The following LRBA variants were observed in gnomAD, a reference collection of about 807,000 sequenced individuals.
The protein encoded by LRBA is lipopolysaccharide-responsive and beige-like anchor protein.
In LRBA, 176 loss-of-function variants were observed where a neutral mutation model predicts 330.0. That is an observed-to-expected ratio of 0.53 (90% CI 0.47 to 0.60). The LOEUF is 0.60. LRBA is among the 20% of genes least tolerant of loss of function. The pLI is 0.00. For synonymous variants in LRBA, 1,230 were observed against 1,193.0 expected (o/e 1.03, Z -0.64); for missense variants, 3,259 against 3,444.8 (o/e 0.95, Z 1.35).
intron 17 of LRBA, among the ~76,000 whole-genome samples, chr4:150,885,445 A>G (rs939662861): frequency 2.6e-5 from 4 of 152,060 alleles, no homozygotes; most frequent in Non-Finnish European, 4.4e-5. Context: ...ACACAGTGAA[A>G]CCCCATCTCT....
chr4:150,344,419 C>A (rs1736001714), intron 48 of LRBA, among the ~76,000 whole-genome samples: 1 of 152,212 alleles, frequency 6.6e-6, no homozygotes, highest in Non-Finnish European at 1.5e-5. Flanking sequence ...TCTCTAAGAT[C>A]ACCAATGACC....
rs978061462 is a variant in LRBA at position 150,885,078 on chromosome 4, A to G, written c.2165+7974T>C. 7.2e-5 allele frequency among the ~76,000 whole-genome samples: 11 copies of G among 152,030 alleles called. 1 individual carries two copies. Among genetic ancestry groups the G allele is most frequent in the Non-Finnish European group, 1.6e-4 (11 of 67,994 alleles). On this transcript the variant is annotated intron_variant, in intron 17 of 56. Coordinates refer to ENST00000651943, the MANE Select transcript of LRBA (RefSeq NM_001364905.1). ...TGGCAAATAAAGAATCTGTGAATTC[A>G]AAGATAAATCAATATAAATTATATA...
intron 22 of LRBA, among the ~76,000 whole-genome samples, chr4:150,853,916 G>A (rs1287215461): frequency 6.6e-6 from 1 of 152,066 alleles, no homozygotes; most frequent in African/African-American, 2.4e-5. Context: ...ATTATATAGA[G>A]TAAACTGAAC....
chr4:150,792,170 T>A, intron 34 of LRBA, among the ~76,000 whole-genome samples: 1 of 148,692 alleles, frequency 6.7e-6, no homozygotes, highest in African/African-American at 2.5e-5. Context: ...AATAAATACA[T>A]AATTTTCCTA....
intron 2 of LRBA, among the ~76,000 whole-genome samples, chr4:150,994,790 T>C (rs2149635500): frequency 6.6e-6 from 1 of 152,316 alleles, no homozygotes; most frequent in East Asian, 1.9e-4. Flanking sequence ...GAAAAGTACT[T>C]GTGATTCAGA....
At chr4:150,873,800 G>C (rs756353874) in intron 17 of LRBA, among the ~76,000 whole-genome samples, 21 of 152,066 alleles carry the variant, frequency 1.4e-4, no homozygotes, top group Non-Finnish European at 2.9e-4. Flanking sequence ...TGTTTAGTAA[G>C]TTAGAAAACA....
At chr4:150,505,119 C>A (rs1469200312) in intron 40 of LRBA, among the ~76,000 whole-genome samples, 1 of 152,076 alleles carries the variant, frequency 6.6e-6, no homozygotes, top group African/African-American at 2.4e-5. Context: ...TCCCACACAA[C>A]AATAATAATG....
At chr4:150,831,543 C>A (rs1747185665) in intron 29 of LRBA, among the ~76,000 whole-genome samples, 1 of 152,090 alleles carries the variant, frequency 6.6e-6, no homozygotes, top group Non-Finnish European at 1.5e-5. Flanking sequence ...TGATTCTTCA[C>A]AGCAAATGAA....
At position 150,526,282 on chromosome 4, in the gene LRBA, G is replaced by C. The variant is rs183076298; in HGVS notation, c.6331-35247C>G. On this transcript the variant is annotated intron_variant, in intron 40 of 56. Transcript: ENST00000651943. ...ATGGCTGTTTTCTGGTTAACCATGG[G>C]AGAGTAACCTTACATTTTTATCTAC... Among the ~76,000 whole-genome samples, 323 of 152,280 alleles carry C rather than the reference G, an allele frequency of 2.1e-3. 1 individual carries two copies. Among genetic ancestry groups the C allele is most frequent in the Admixed American group, 4.3e-3 (66 of 15,304 alleles).
At chr4:150,403,683 C>G (rs1456872907) in intron 47 of LRBA, among the ~76,000 whole-genome samples, 1 of 151,862 alleles carries the variant, frequency 6.6e-6, no homozygotes, top group African/African-American at 2.4e-5. Context: ...CAAGGTATTT[C>G]AAAACCTTAA....
intron 37 of LRBA, among the ~76,000 whole-genome samples, chr4:150,620,207 C>T (rs1456829019): frequency 2.0e-5 from 3 of 151,968 alleles, no homozygotes; most frequent in Non-Finnish European, 4.4e-5. Context: ...TGAAAAAATG[C>T]TCAACATCAC....
At chr4:150,884,149 T>G (rs569283762) in intron 17 of LRBA, among the ~76,000 whole-genome samples, 1 of 152,328 alleles carries the variant, frequency 6.6e-6, no homozygotes, top group Admixed American at 6.5e-5. Context: ...ACTGTTGCTT[T>G]CAAACAGGGC....
chr4:150,589,560 T>C (rs908280143), intron 39 of LRBA, among the ~76,000 whole-genome samples: 2 of 152,196 alleles, frequency 1.3e-5, no homozygotes, highest in East Asian at 3.9e-4. Context: ...AATAACATTT[T>C]TTCAATCACT....
chr4:150,265,764 G>A lies in LRBA; in HGVS notation c.8517C>T (p.Asn2839=), dbSNP rs145690847. 9.4e-5 allele frequency: 152 copies of A among 1,613,598 alleles called. No individual in the cohort carries two copies. The African/African-American group carries it at 9.9e-4, about 10-fold the overall frequency. Residue 2839 remains asparagine (N), a synonymous_variant, in exon 57 of 57, where the codon AAC becomes AAT. Coordinates refer to ENST00000651943, the MANE Select transcript of LRBA (RefSeq NM_001364905.1). The stretch of plus-strand genomic sequence containing the variant: ...ATTCATGATGCCACCGGTTAAAGTC[G>A]TTGTAAAATAGCACAATGCTTCCTG... ...MASGSIVLFY[N]DFNRWHHEYQ...
chr4:150,598,970 C>A (rs1181769233), intron 38 of LRBA, 37 bp downstream of exon 38: 1 of 1,611,998 alleles, frequency 6.2e-7, no homozygotes, highest in Non-Finnish European at 8.5e-7. Context: ...AAGTCCTGTA[C>A]CTGCTGCTAT....
chr4:150,894,105 C>G (rs1729794531), intron 16 of LRBA, among the ~76,000 whole-genome samples: 1 of 152,030 alleles, frequency 6.6e-6, no homozygotes, highest in Non-Finnish European at 1.5e-5. Context: ...GCTTATATAT[C>G]AAGAAATTGT....
intron 2 of LRBA, among the ~76,000 whole-genome samples, chr4:151,007,298 G>C (rs904905215): frequency 3.9e-5 from 6 of 151,992 alleles, no homozygotes; most frequent in African/African-American, 4.8e-5. Context: ...TCAGGAGATG[G>C]AGACCATCCT....
rs190315931 is a variant in LRBA at position 150,426,283 on chromosome 4, T to C, written c.7041+9306A>G. On this transcript the variant is annotated intron_variant, in intron 46 of 56. Coordinates refer to ENST00000651943, the MANE Select transcript of LRBA (RefSeq NM_001364905.1). ...AAATTGGAAAAGAAAAAATAATCTATAATCCTTCCAGACCAACCCCATAAA... is the reference window on the plus strand; with the variant it reads ...AAATTGGAAAAGAAAAAATAATCTACAATCCTTCCAGACCAACCCCATAAA... Among the ~76,000 whole-genome samples the C allele has an allele frequency of 3.7e-4, 56 of 152,142 alleles. 1 individual carries two copies. The East Asian group carries it at 0.01, about 28-fold the overall frequency.
intron 42 of LRBA, 108 bp from the exon 43 acceptor site, chr4:150,471,847 T>C (rs940882927): frequency 3.0e-6 from 2 of 659,664 alleles, no homozygotes; most frequent in African/African-American, 1.8e-5. Context: ...AAAAGTTCTA[T>C]TCATGTTAGA....
Sources: allele counts gnomAD v4.1 joint callset (sites outside exome capture counted in the v4.1 genomes callset), GRCh38; gene constraint gnomAD v4.1.1; transcripts MANE v1.5; gene names NCBI Gene and HGNC (gene_info 2026-07-23, HGNC 2026-07-21).